Variants in ZNF577 observed in about 807,000 individuals in gnomAD.
ZNF577 encodes zinc finger protein 577.
ZNF577 carries 14 observed loss-of-function variants against 13.9 expected under a neutral mutation model. That is an observed-to-expected ratio of 1.00 (90% CI 0.66 to 1.57). The LOEUF is 1.57. ZNF577 is among the 40% of genes most tolerant of loss of function. The probability of loss-of-function intolerance (pLI) is 0.00; values close to 1 mark genes in which losing one functional copy is unlikely to be tolerated. For synonymous variants in ZNF577, 203 were observed against 202.9 expected (o/e 1.00, Z 0.00); for missense variants, 555 against 579.2 (o/e 0.96, Z 0.43).
chr19:51,852,843 TATGA>T (rs576973763), intron 5 of ZNF577, among the ~76,000 whole-genome samples: 110 of 152,348 alleles, frequency 7.2e-4, no homozygotes, highest in African/African-American at 2.5e-3. Flanking sequence ...TTTGTAATGA[TATGA>T]ATGTTTTAAT....
At chr19:51,816,453 G>A (rs1169898419) in intron 9 of ZNF577, among the ~76,000 whole-genome samples, 2 of 152,164 alleles carry the variant, frequency 1.3e-5, no homozygotes, top group Non-Finnish European at 2.9e-5. Context: ...TTGCCACATT[G>A]GCCAGACTGG....
intron 9 of ZNF577, among the ~76,000 whole-genome samples, chr19:51,828,701 T>TC (rs2122511778): frequency 6.6e-6 from 1 of 152,332 alleles, no homozygotes; most frequent in East Asian, 1.9e-4. Context: ...CCAATGTATG[T>TC]CCATGTGGAT....
rs1455060550 is a variant in ZNF577 at position 51,873,327 on chromosome 19, T to C, written c.663A>G (p.Lys221=). The C allele has an allele frequency of 1.2e-6, 2 of 1,614,072 alleles. No individual in the cohort carries two copies. The highest frequency in any genetic ancestry group is 1.7e-6 in the Non-Finnish European group (2 of 1,180,038). The part of the protein sequence containing the change: ...EKPHECSECG[K]AFSRKSQLMV... ...TGAGCTGTGACTTTCTGGAGAAGGC[T>C]TTTCCACATTCACTACATTCATGGG... The change falls in exon 6 of 6, where the codon AAA becomes AAG. Residue 221 remains lysine, a synonymous_variant. Coordinates refer to ENST00000638348, the MANE Select transcript of ZNF577 (RefSeq NM_001370449.1).
In ZNF577 at chr19:51,880,438, A is replaced by T. The variant is rs115833063; in HGVS notation, c.-19-37T>A. On this transcript the variant is annotated intron_variant, in intron 2 of 5. Transcript: ENST00000638348. ...AAGGAGACACAGTTTAAAGCAGAGA[A>T]AACCCACAGGGTCTTAACAGTCACT... is the stretch of plus-strand genomic sequence containing the variant. 1,744 of 1,595,006 alleles carry T rather than the reference A, an allele frequency of 1.1e-3. 13 individuals carry two copies. The African/African-American group carries it at 0.02, about 18-fold the overall frequency.
chr19:51,873,562 G>A lies in ZNF577; in HGVS notation c.428C>T (p.Ser143Leu). 6.2e-7 allele frequency: 1 copy of A among 1,614,196 alleles called. No individual in the cohort carries two copies. Among genetic ancestry groups the A allele is most frequent in the Non-Finnish European group, 8.5e-7 (1 of 1,180,044 alleles). The change falls in exon 6 of 6, where the codon TCA becomes TTA. Residue 143 changes from serine to leucine, a missense_variant. Transcript: ENST00000638348. ...HRCVKPSSPKSQLNDLQKICA... is the reference protein window; with the variant it reads ...HRCVKPSSPKLQLNDLQKICA... ...AATTTTTTGTAGGTCATTGAGCTGT[G>A]ATTTAGGGCTGCTGGGTTTAACACA...
Position 51,824,022 on chromosome 19 carries a change from C to A in ZNF577, c.*600-12348G>T, listed in dbSNP as rs772344801. On this transcript the variant is annotated intron_variant and NMD_transcript_variant, in intron 9 of 10. Coordinates refer to the ZNF577 transcript ENST00000638827. This position sits in a 1 kb window ranked among gnomAD's most constrained non-coding sequence, Gnocchi z 4.7. ...CTCAGTCGCCATGAGAGAAAAATGG[C>A]CTTTTGGCTCATTCCTATGTAAGTT... The A allele has an allele frequency of 5.6e-6, 9 of 1,614,074 alleles. No homozygotes were observed. The highest frequency in any genetic ancestry group is 3.3e-5 in the Admixed American group (2 of 60,006).
intron 9 of ZNF577, among the ~76,000 whole-genome samples, chr19:51,838,985 G>A (rs1012002614): frequency 1.3e-5 from 2 of 151,946 alleles, no homozygotes; most frequent in African/African-American, 4.8e-5. Context: ...GCCACAGAAA[G>A]GTATATATTT....
At chr19:51,863,316 C>T (rs1031392191), downstream of ZNF577, 3 of 152,182 alleles carry the variant, frequency 2.0e-5, no homozygotes, top group African/African-American at 7.2e-5. Flanking sequence ...AGTGTACGCA[C>T]AACAGAGTAA....
chr19:51,840,336 C>T (rs956608725), intron 8 of ZNF577, among the ~76,000 whole-genome samples: 1 of 152,102 alleles, frequency 6.6e-6, no homozygotes, highest in Non-Finnish European at 1.5e-5. Flanking sequence ...GCAGGTAAGG[C>T]GCAGCCATAT....
chr19:51,812,513 T>C (rs2084104410), intron 9 of ZNF577, among the ~76,000 whole-genome samples: 1 of 152,226 alleles, frequency 6.6e-6, no homozygotes, highest in African/African-American at 2.4e-5. Flanking sequence ...TTGCTCTCAT[T>C]CATTTGGCTA....
At chr19:51,817,738 T>G (rs1161584594) in intron 9 of ZNF577, 1 of 152,206 alleles carries the variant, frequency 6.6e-6, no homozygotes, top group East Asian at 1.9e-4. Context: ...AACTTTACAC[T>G]AAATTAGTTG....
At chr19:51,858,361 C>T (rs2084460294) in intron 5 of ZNF577, among the ~76,000 whole-genome samples, 1 of 152,186 alleles carries the variant, frequency 6.6e-6, no homozygotes, top group South Asian at 2.1e-4. Flanking sequence ...TCAGCCATTC[C>T]ATACTACTTA....
At chr19:51,820,038 G>GAAAGA (rs2084176527) in intron 9 of ZNF577, among the ~76,000 whole-genome samples, 2 of 152,182 alleles carry the variant, frequency 1.3e-5, no homozygotes, top group Non-Finnish European at 2.9e-5. Flanking sequence ...TGAGGGTTAG[G>GAAAGA]AAAGAAAAGG....
downstream of ZNF577, chr19:51,863,179 G>C (rs1378735936): frequency 6.6e-6 from 1 of 152,174 alleles, no homozygotes; most frequent in East Asian, 1.9e-4. Flanking sequence ...TCCTGCATGA[G>C]TTCTCTGAGG....
intron 9 of ZNF577, among the ~76,000 whole-genome samples, chr19:51,828,897 G>A (rs557810172): frequency 2.0e-5 from 3 of 152,144 alleles, no homozygotes; most frequent in African/African-American, 7.2e-5. Flanking sequence ...GCAGCTCCTG[G>A]AGGGCAGGTT....
At position 51,867,534 on chromosome 19, in the gene ZNF577, G is replaced by C. The variant is rs1367429381; in HGVS notation, c.*4998C>G. On this transcript the variant is annotated 3_prime_UTR_variant, in exon 6 of 6. Transcript: ENST00000638348. The stretch of plus-strand genomic sequence containing the variant: ...TCACACCTGTAATCCCAGCACTTTG[G>C]GAGGCTGAGGTGGGCGGATCACAAG... 6.6e-6 allele frequency among the ~76,000 whole-genome samples: 1 copy of C among 151,802 alleles called. No individual in the cohort carries two copies. The highest frequency in any genetic ancestry group is 2.4e-5 in the African/African-American group (1 of 41,290).
rs1415244481 is a variant in ZNF577, at chr19:51,884,495, G to C, written c.-219+2326C>G. Among the ~76,000 whole-genome samples, 3 of 152,154 alleles carry C rather than the reference G, an allele frequency of 2.0e-5. No homozygotes were observed. The East Asian group carries it at 5.8e-4, about 29-fold the overall frequency. On this transcript the variant is annotated intron_variant, in intron 1 of 5. Coordinates refer to ENST00000638348, the MANE Select transcript of ZNF577 (RefSeq NM_001370449.1). ...TTATACTCAATTTCCATGAAAAAAA[G>C]TTAGAGTCATCAGAGCCTGATGAGT...
chr19:51,876,358 G>A (rs2084762370), intron 5 of ZNF577, among the ~76,000 whole-genome samples: 1 of 152,182 alleles, frequency 6.6e-6, no homozygotes, highest in Middle Eastern at 3.4e-3. Context: ...TGAGACGTTA[G>A]TAGCAGACAT....
intron 3 of ZNF577, 97 bp from the exon 4 acceptor site, chr19:51,878,612 C>T (rs922021727): frequency 3.1e-5 from 45 of 1,440,312 alleles, no homozygotes; most frequent in Admixed American, 1.1e-4. Context: ...TCCATGACAA[C>T]GTATGCACAC....
Sources: allele counts gnomAD v4.1 joint callset (sites outside exome capture counted in the v4.1 genomes callset), GRCh38; gene constraint gnomAD v4.1.1; non-coding constraint Gnocchi (gnomAD v3.1); transcripts MANE v1.5; gene names NCBI Gene and HGNC (gene_info 2026-07-23, HGNC 2026-07-21).